Variants in CMSS1 observed in about 807,000 individuals in gnomAD.
CMSS1 encodes the protein protein CMSS1.
In CMSS1, 33 loss-of-function variants were observed where a neutral mutation model predicts 43.5. The ratio of observed to expected loss-of-function variants is 0.76; its 90% CI spans 0.57 to 1.01. CMSS1 has a LOEUF of 1.01. CMSS1 is among the 50% of genes least tolerant of loss of function. CMSS1 has a pLI of 0.00. For synonymous variants in CMSS1, 115 were observed against 117.2 expected (o/e 0.98, Z 0.12); for missense variants, 313 against 326.4 (o/e 0.96, Z 0.32).
At chr3:100,006,157 T>C (rs1709979233) in intron 1 of CMSS1, among the ~76,000 whole-genome samples, 1 of 152,144 alleles carries the variant, frequency 6.6e-6, no homozygotes, top group African/African-American at 2.4e-5. Flanking sequence ...GTAGGTATAC[T>C]GGTGGTTTCT....
At chr3:100,146,873 A>G (rs1275674536) in intron 1 of CMSS1, 100 bp from the exon 2 acceptor site, 1 of 1,411,022 alleles carries the variant, frequency 7.1e-7, no homozygotes, top group African/African-American at 1.4e-5. Context: ...AGGTAGAATT[A>G]AAAAGTGAAG....
chr3:100,165,133 C>T (rs2067055682), intron 4 of CMSS1, among the ~76,000 whole-genome samples: 1 of 152,118 alleles, frequency 6.6e-6, no homozygotes, highest in African/African-American at 2.4e-5. Context: ...GAGACTTCAT[C>T]CCAGAAATCT....
At chr3:100,027,014 C>T (rs2064936076) in intron 1 of CMSS1, among the ~76,000 whole-genome samples, 1 of 152,240 alleles carries the variant, frequency 6.6e-6, no homozygotes, top group African/African-American at 2.4e-5. Flanking sequence ...TGACCTTTGT[C>T]CTTGCTGTTC....
At chr3:100,133,844 C>G (rs1179708207) in intron 1 of CMSS1, among the ~76,000 whole-genome samples, 2 of 152,212 alleles carry the variant, frequency 1.3e-5, no homozygotes, top group Non-Finnish European at 2.9e-5. Context: ...CCCAAAAACT[C>G]TGTAAGAAAA....
At chr3:100,010,510 G>C (rs1263668695) in intron 1 of CMSS1, among the ~76,000 whole-genome samples, 1 of 152,052 alleles carries the variant, frequency 6.6e-6, no homozygotes, top group Non-Finnish European at 1.5e-5. Flanking sequence ...ATCCAACTAA[G>C]AGCAGTGACT....
chr3:99,900,296 A>G (rs1202319713), intron 1 of CMSS1, among the ~76,000 whole-genome samples: 1 of 152,186 alleles, frequency 6.6e-6, no homozygotes, highest in African/African-American at 2.4e-5. Context: ...GATGGTGATG[A>G]TGAGGATATT....
intron 1 of CMSS1, among the ~76,000 whole-genome samples, chr3:99,957,409 T>G (rs1366057683): frequency 6.6e-6 from 1 of 152,214 alleles, no homozygotes; most frequent in Non-Finnish European, 1.5e-5. Context: ...GTTGTGATAT[T>G]TTTGAAATGC....
At chr3:100,116,567 T>C (rs2066571491) in intron 1 of CMSS1, among the ~76,000 whole-genome samples, 14 of 152,188 alleles carry the variant, frequency 9.2e-5, no homozygotes, top group Admixed American at 8.5e-4. Flanking sequence ...ATCTGGGGAT[T>C]GCGTGAGCTC....
At chr3:99,837,034 A>G (rs1389696703) in intron 1 of CMSS1, among the ~76,000 whole-genome samples, 1 of 152,226 alleles carries the variant, frequency 6.6e-6, no homozygotes, top group African/African-American at 2.4e-5. Flanking sequence ...ATAATCGTCC[A>G]TTGTTCTCCC....
At chr3:100,131,066 A>G (rs757752524) in intron 1 of CMSS1, among the ~76,000 whole-genome samples, 7 of 152,210 alleles carry the variant, frequency 4.6e-5, no homozygotes, top group Non-Finnish European at 7.3e-5. Context: ...ATTTTGTGAG[A>G]ATTCACTTGT....
Position 100,156,542 on chromosome 3 carries a change from C to T in CMSS1, c.154-3888C>T, listed in dbSNP as rs555994833. 7.9e-5 allele frequency among the ~76,000 whole-genome samples: 12 copies of T among 151,512 alleles called. No individual in the cohort carries two copies. The East Asian group carries it at 1.6e-3, about 20-fold the overall frequency. ...CAGGCTGGTCTTGAACTCCTGACCT[C>T]GTAATCCGCCCTCCTCGGCCTCCCA... On this transcript the variant is annotated intron_variant, in intron 2 of 9. Coordinates refer to ENST00000421999, the MANE Select transcript of CMSS1 (RefSeq NM_032359.4).
At chr3:99,985,830 C>T (rs1272389394) in intron 1 of CMSS1, among the ~76,000 whole-genome samples, 3 of 152,122 alleles carry the variant, frequency 2.0e-5, no homozygotes, top group Admixed American at 2.0e-4. Flanking sequence ...CTCAGGTGAT[C>T]CACCCACCTC....
chr3:99,847,233 A>C (rs889061459), intron 1 of CMSS1, among the ~76,000 whole-genome samples: 2 of 152,164 alleles, frequency 1.3e-5, no homozygotes, highest in African/African-American at 4.8e-5. Flanking sequence ...ACAAAAAAAA[A>C]AACTGTAAGC....
intron 1 of CMSS1, among the ~76,000 whole-genome samples, chr3:99,863,398 G>C (rs809415): frequency 6.6e-6 from 1 of 151,940 alleles, no homozygotes; most frequent in African/African-American, 2.4e-5. Context: ...ACTCCTGTAC[G>C]TGGGGACTCA....
chr3:99,930,676 C>A, intron 1 of CMSS1: 1 of 1,377,028 alleles, frequency 7.3e-7, no homozygotes, highest in South Asian at 1.3e-5. Context: ...CATGTATGAA[C>A]CACAGATATC....
rs1576067229 is a variant in CMSS1, at chr3:100,105,020, A to G, written c.65-41953A>G. On this transcript the variant is annotated intron_variant, in intron 1 of 9. Transcript: ENST00000421999. ...TTTCTGCTCATGACATGATTTATGT[A>G]TATAAGAATCTTCATTTACAGATTG... 4.6e-5 allele frequency among the ~76,000 whole-genome samples: 7 copies of G among 152,332 alleles called. No individual in the cohort carries two copies. The South Asian group carries it at 1.4e-3, about 32-fold the overall frequency.
intron 1 of CMSS1, among the ~76,000 whole-genome samples, chr3:99,920,443 T>TA (rs1346497350): frequency 1.3e-5 from 2 of 152,228 alleles, no homozygotes; most frequent in African/African-American, 4.8e-5. Flanking sequence ...TGCTTTTGTG[T>TA]AAAAAACCTT....
intron 1 of CMSS1, among the ~76,000 whole-genome samples, chr3:100,102,326 G>A (rs1317801048): frequency 6.6e-6 from 1 of 152,100 alleles, no homozygotes; most frequent in Non-Finnish European, 1.5e-5. Flanking sequence ...ACTGGTATGA[G>A]ATGGTATCTC....
chr3:99,828,430 T>C (rs1245280777), intron 1 of CMSS1, among the ~76,000 whole-genome samples: 1 of 148,754 alleles, frequency 6.7e-6, no homozygotes, highest in Non-Finnish European at 1.5e-5. Context: ...TTTTTGATGT[T>C]AGAGCTTCAT....
Sources: gnomAD v4.1 joint callset for allele counts (sites outside exome capture counted in the v4.1 genomes callset) on GRCh38, gnomAD v4.1.1 for gene constraint, MANE v1.5 for transcripts, NCBI Gene and HGNC (gene_info 2026-07-23, HGNC 2026-07-21) for gene names.